SETD1A: variants seen among roughly 807,000 people sequenced by gnomAD.
SETD1A encodes the protein histone-lysine N-methyltransferase SETD1A.
In SETD1A, 29 loss-of-function variants were observed where a neutral mutation model predicts 149.9. The ratio of observed to expected loss-of-function variants is 0.19; its 90% CI spans 0.14 to 0.26. SETD1A has a LOEUF of 0.26. SETD1A is among the 10% of genes least tolerant of loss of function. SETD1A has a pLI of 1.00. For missense variants in SETD1A, 2,109 were observed against 2,353.1 expected, an observed-to-expected ratio of 0.90 and a Z score of 2.15; for synonymous variants, 1,141 against 968.5, an observed-to-expected ratio of 1.18 and a Z score of -3.31.
rs370781369 is a variant in SETD1A at position 30,964,245 on chromosome 16, C to T, written c.791C>T (p.Thr264Ile). ...ACCCCATCTTCCTTTGGCCAGTTCA[C>T]ACCTCAGTCCTCCCAAGGAACCCCC... ...QDTPSSFGQFTPQSSQGTPYT... is the reference protein window; with the variant it reads ...QDTPSSFGQFIPQSSQGTPYT... Residue 264 changes from threonine (T) to isoleucine (I), a missense_variant, in exon 6 of 19, where the codon ACA becomes ATA. Transcript: ENST00000262519. 6.2e-7 allele frequency: 1 copy of T among 1,614,142 alleles called. No individual in the cohort carries two copies. Among genetic ancestry groups the T allele is most frequent in the Non-Finnish European group, 8.5e-7 (1 of 1,179,996 alleles).
In SETD1A at chr16:30,966,262, T is replaced by C; in HGVS notation, c.2381T>C (p.Val794Ala). ...CCGACAGCAGGCACCGTGGGCCGTG[T>C]GCTCGCCATGCTGGTCCAGGAGATG... Reference protein sequence around the residue: ...TLPTAGTVGRVLAMLVQEMKS... With the variant: ...TLPTAGTVGRALAMLVQEMKS... Residue 794 changes from valine (V) to alanine (A), a missense_variant, in exon 8 of 19, where the codon GTG (valine) becomes GCG (alanine). Val to Ala is a moderately conservative substitution (Grantham distance 64). Transcript: ENST00000262519. 6.2e-7 allele frequency: 1 copy of C among 1,613,850 alleles called. No homozygotes were observed. Among genetic ancestry groups the C allele is most frequent in the Non-Finnish European group, 8.5e-7 (1 of 1,180,004 alleles).
intron 17 of SETD1A, among the ~76,000 whole-genome samples, chr16:30,982,180 G>T (rs1372132790): frequency 6.6e-6 from 1 of 152,170 alleles, no homozygotes; most frequent in African/African-American, 2.4e-5. Context: ...TCTTGTGAGA[G>T]TGTGGAGGTC....
Position 30,964,729 on chromosome 16 carries a change from C to T in SETD1A, c.987C>T (p.Ala329=). The T allele has an allele frequency of 6.2e-7, 1 of 1,614,244 alleles. No individual in the cohort carries two copies. Among genetic ancestry groups the T allele is most frequent in the Non-Finnish European group, 8.5e-7 (1 of 1,180,052 alleles). ...CAACCGCCTCCACGGCCATCGCCGC[C>T]ACCACTGCAGCCACTGCCTCATCCT... ...ASTTASTAIA[A]TTAATASSSA... The change falls in exon 7 of 19, where the codon GCC becomes GCT. Residue 329 remains alanine (A), a synonymous_variant. Coordinates refer to ENST00000262519, the MANE Select transcript of SETD1A (RefSeq NM_014712.3).
Position 30,966,102 on chromosome 16 carries a change from G to A in SETD1A, c.2221G>A (p.Gly741Arg). 1 of 1,596,896 alleles carries A rather than the reference G, an allele frequency of 6.3e-7. No individual in the cohort carries two copies. Among genetic ancestry groups the A allele is most frequent in the Non-Finnish European group, 8.5e-7 (1 of 1,170,100 alleles). ...ATATGCACAGGGGCAGGAGGGCAGA[G>A]GGGCATACTCACGGGAGGCCTACCA... is the stretch of plus-strand genomic sequence containing the variant. ...ALYAQGQEGRGAYSREAYHLP... is the reference protein window; with the variant it reads ...ALYAQGQEGRRAYSREAYHLP... The change falls in exon 8 of 19, where the codon GGG becomes AGG. Residue 741 changes from glycine (G) to arginine (R), a missense_variant. By Grantham distance (125) the Gly-to-Arg change is moderately radical. Around this residue, in one of 8 missense-constraint regions of SETD1A, gnomAD observed 431 missense variants for 388.6 expected, o/e 1.11. Transcript: ENST00000262519.
rs776011822 is a variant in SETD1A at position 30,971,569 on chromosome 16, C to T, written c.3208C>T (p.Arg1070Trp). 1.2e-5 allele frequency: 20 copies of T among 1,613,694 alleles called. No individual in the cohort carries two copies. Among genetic ancestry groups the T allele is most frequent in the East Asian group, 8.9e-5 (4 of 44,878 alleles). ...SSSEDEEEEERPAALPSASPP... is the reference protein window; with the variant it reads ...SSSEDEEEEEWPAALPSASPP... ...CTCTGAAGATGAAGAGGAAGAGGAG[C>T]GGCCAGCAGCCCTTCCCTCAGCCTC... The change falls in exon 13 of 19, where the codon CGG becomes TGG. Residue 1070 changes from arginine to tryptophan, a missense_variant. Physicochemically the swap from Arg to Trp is moderately radical, Grantham distance 101. Transcript: ENST00000262519.
At position 30,979,154 on chromosome 16, in the gene SETD1A, A is replaced by T; in HGVS notation, c.3368A>T (p.Glu1123Val). ...TGTGCTTCCTTCCCAGGCCCCACGG[A>T]GGAGTCACCCCCCAGTGCGCCTCTG... ...ASPARPAGPT[E>V]ESPPSAPLRP... is the part of the protein sequence containing the mutation. Residue 1123 changes from glutamate (E) to valine (V), a missense_variant, in exon 14 of 19, where the codon GAG becomes GTG. Glu to Val is a moderately radical substitution (Grantham distance 121). This residue lies in a region of SETD1A where 832 missense variants were observed against 815.6 expected (regional missense o/e 1.02). Transcript: ENST00000262519. 6.4e-7 allele frequency: 1 copy of T among 1,568,304 alleles called. No homozygotes were observed. Among genetic ancestry groups the T allele is most frequent in the Non-Finnish European group, 8.6e-7 (1 of 1,157,432 alleles).
chr16:30,965,116 T>G lies in SETD1A; in HGVS notation c.1374T>G (p.Thr458=). The change falls in exon 7 of 19, where the codon ACT becomes ACG. Residue 458 remains threonine, a synonymous_variant. Coordinates refer to ENST00000262519, the MANE Select transcript of SETD1A (RefSeq NM_014712.3). ...GPSPEREEVR[T]SPRPASPARS... Reference sequence around the variant, plus strand: ...GCCCTGAGAGAGAAGAAGTTCGGACTTCCCCCCGCCCAGCCTCCCCTGCCC... The same window carrying G: ...GCCCTGAGAGAGAAGAAGTTCGGACGTCCCCCCGCCCAGCCTCCCCTGCCC... 1 of 1,611,900 alleles carries G rather than the reference T, an allele frequency of 6.2e-7. No homozygotes were observed. Among genetic ancestry groups the G allele is most frequent in the Non-Finnish European group, 8.5e-7 (1 of 1,179,900 alleles).
chr16:30,983,794 G>T lies in SETD1A; in HGVS notation c.4950+22G>T. On this transcript the variant is annotated intron_variant, in intron 18 of 18. Transcript: ENST00000262519. The surrounding 1 kb of genome is among the most constrained non-coding windows in gnomAD (Gnocchi z 6.8). ...CACGGTGCGCCAGGGGCCAGCCGGG[G>T]CAGGAGTTGGGGGTCGGTGGGGGTG... is the stretch of plus-strand genomic sequence containing the variant. 2 of 1,612,994 alleles carry T rather than the reference G, an allele frequency of 1.2e-6. No homozygotes were observed. Among genetic ancestry groups the T allele is most frequent in the Non-Finnish European group, 8.5e-7 (1 of 1,179,222 alleles).
chr16:30,977,916 G>A (rs1351430107), intron 13 of SETD1A, among the ~76,000 whole-genome samples: 1 of 152,192 alleles, frequency 6.6e-6, no homozygotes, highest in African/African-American at 2.4e-5. Context: ...CATGGCCTGG[G>A]AGCAGAGCTT....
chr16:30,959,123 A>G lies in SETD1A; in HGVS notation c.183A>G (p.Gln61=), dbSNP rs1216053675. The change falls in exon 3 of 19, where the codon CAA becomes CAG. Residue 61 remains glutamine, a synonymous_variant. Coordinates refer to ENST00000262519, the MANE Select transcript of SETD1A (RefSeq NM_014712.3). ...DSKYIPVEDL[Q]DPRCHVRSKN... ...AGTATATACCAGTCGAAGACCTCCA[A>G]GACCCCCGTTGCCATGTCAGGTCCA... is the stretch of plus-strand genomic sequence containing the variant. The G allele has an allele frequency of 3.1e-6, 5 of 1,613,746 alleles. No homozygotes were observed. The East Asian group carries it at 8.9e-5, about 29-fold the overall frequency.
At chr16:30,963,923 C>T (rs2056092754) in intron 5 of SETD1A, among the ~76,000 whole-genome samples, 171 bp from the exon 6 acceptor site, 1 of 151,116 alleles carries the variant, frequency 6.6e-6, no homozygotes, top group Non-Finnish European at 1.5e-5. Flanking sequence ...ACCCGGGAGG[C>T]GGAGCTTGCA....
At chr16:30,976,577 G>A (rs2056287205) in intron 13 of SETD1A, among the ~76,000 whole-genome samples, 1 of 152,104 alleles carries the variant, frequency 6.6e-6, no homozygotes, top group Admixed American at 6.6e-5. Flanking sequence ...GGAAGAGGGT[G>A]ATGTGCTAGA....
At chr16:30,970,773 C>T (rs1032693561) in intron 12 of SETD1A, among the ~76,000 whole-genome samples, 3 of 152,142 alleles carry the variant, frequency 2.0e-5, no homozygotes, top group Non-Finnish European at 4.4e-5. Context: ...TCTCCTGGCC[C>T]TGCTCTGTTC....
chr16:30,979,600 C>T lies in SETD1A; in HGVS notation c.3814C>T (p.Pro1272Ser), dbSNP rs765258698. The T allele has an allele frequency of 8.1e-6, 13 of 1,611,194 alleles. No individual in the cohort carries two copies. Among genetic ancestry groups the T allele is most frequent in the Middle Eastern group, 1.7e-4 (1 of 6,060 alleles). Residue 1272 changes from proline to serine, a missense_variant, in exon 14 of 19, where the codon CCT becomes TCT. Around this residue, in one of 8 missense-constraint regions of SETD1A, gnomAD observed 832 missense variants for 815.6 expected, o/e 1.02. Coordinates refer to ENST00000262519, the MANE Select transcript of SETD1A (RefSeq NM_014712.3). ...TGCCCGGCGCGGGCTGCCTGCCCTG[C>T]CTGCTGTTGAAGACTCAGAGGCCAC... ...TPARRGLPALPAVEDSEATET... is the reference protein window; with the variant it reads ...TPARRGLPALSAVEDSEATET...
At chr16:30,963,121 T>A (rs1001691502) in intron 4 of SETD1A, among the ~76,000 whole-genome samples, 1 of 152,240 alleles carries the variant, frequency 6.6e-6, no homozygotes, top group Non-Finnish European at 1.5e-5. Context: ...ATTCTGTGAC[T>A]TTGTGTAGGT....
chr16:30,958,399 G>C, intron 1 of SETD1A: 1 of 235,746 alleles, frequency 4.2e-6, no homozygotes, highest in Non-Finnish European at 8.3e-6. Flanking sequence ...GGAGGCGGGA[G>C]GGGGCGGGGC....
intron 12 of SETD1A, 138 bp downstream of exon 12, chr16:30,969,827 C>A: frequency 1.4e-6 from 1 of 698,386 alleles, no homozygotes; most frequent in Non-Finnish European, 2.6e-6. Context: ...TCTGTTTGGG[C>A]CACATTCTTA....
rs2056353808 is a variant in SETD1A, at chr16:30,980,193, A to G, written c.4407A>G (p.Thr1469=). The part of the protein sequence containing the change: ...WLNDTHWVHH[T]ITNLTTPKRK... ...ACGACACTCACTGGGTCCATCACACAAATATCCTGAGTGTGGGCGGCCTTC... is the reference window on the plus strand; with the variant it reads ...ACGACACTCACTGGGTCCATCACACGAATATCCTGAGTGTGGGCGGCCTTC... Residue 1469 remains threonine, a splice_region_variant and synonymous_variant, in exon 14 of 19, where the codon ACA becomes ACG. Transcript: ENST00000262519. The surrounding 1 kb of genome is among the most constrained non-coding windows in gnomAD (Gnocchi z 7.7). 6.2e-7 allele frequency: 1 copy of G among 1,601,102 alleles called. No individual in the cohort carries two copies. Among genetic ancestry groups the G allele is most frequent in the African/African-American group, 1.3e-5 (1 of 74,644 alleles).
Position 30,965,998 on chromosome 16 carries a change from C to T in SETD1A, c.2117C>T (p.Pro706Leu). The T allele has an allele frequency of 1.3e-6, 2 of 1,576,560 alleles. No individual in the cohort carries two copies. The highest frequency in any genetic ancestry group is 1.7e-6 in the Non-Finnish European group (2 of 1,161,186). ...GGATTGATTGCCGCCTCAGCTGGCC[C>T]CCCCGGTGGGGCCTTTGGGGAGGCC... is the stretch of plus-strand genomic sequence containing the variant. ...GKGLIAASAG[P>L]PGGAFGEAFL... is the part of the protein sequence containing the mutation. The change falls in exon 8 of 19, where the codon CCC (proline) becomes CTC (leucine). Residue 706 changes from proline (P) to leucine (L), a missense_variant. Around this residue, in one of 8 missense-constraint regions of SETD1A, gnomAD observed 431 missense variants for 388.6 expected, o/e 1.11. Transcript: ENST00000262519.
Sources: allele counts gnomAD v4.1 joint callset (sites outside exome capture counted in the v4.1 genomes callset), GRCh38; gene constraint gnomAD v4.1.1; regional missense constraint gnomAD v4.1.1; non-coding constraint Gnocchi (gnomAD v3.1); transcripts MANE v1.5; gene names NCBI Gene and HGNC (gene_info 2026-07-23, HGNC 2026-07-21).